TMEM132B: variants seen among roughly 807,000 people sequenced by gnomAD.
The protein encoded by TMEM132B is transmembrane protein 132B.
A neutral mutation model predicts 90.8 loss-of-function variants in TMEM132B; 18 were observed. That is an observed-to-expected ratio of 0.20 (90% CI 0.14 to 0.29). TMEM132B has a LOEUF of 0.29. Among genes scored for constraint, TMEM132B ranks in the 10% least tolerant of loss-of-function variants. TMEM132B has a pLI of 1.00. For synonymous variants in TMEM132B, 504 were observed against 523.3 expected, an observed-to-expected ratio of 0.96 and a Z score of 0.50; for missense variants, 1,096 against 1,326.8, an observed-to-expected ratio of 0.83 and a Z score of 2.70.
chr12:125,570,598 T>A (rs761166701), intron 4 of TMEM132B, among the ~76,000 whole-genome samples: 4 of 152,232 alleles, frequency 2.6e-5, no homozygotes, highest in Non-Finnish European at 5.9e-5. Flanking sequence ...GAGCTGAATT[T>A]TGAAATCACT....
intron 1 of TMEM132B, among the ~76,000 whole-genome samples, chr12:125,333,460 A>AT (rs1187228005): frequency 2.0e-5 from 3 of 152,238 alleles, no homozygotes; most frequent in Non-Finnish European, 4.4e-5. Context: ...ACATTCATGA[A>AT]GAATAAATGT....
chr12:125,554,427 TAA>T lies in TMEM132B; in HGVS notation c.1294-29398_1294-29397del, dbSNP rs71447048. 8.7e-3 allele frequency among the ~76,000 whole-genome samples: 601 copies of T among 69,446 alleles called. 6 individuals carry two copies. Among genetic ancestry groups the T allele is most frequent in the African/African-American group, 0.023 (457 of 19,930 alleles). The allele number at this position is 69,446 out of a possible 152,430, so 45.6% of individuals were successfully genotyped here. On this transcript the variant is annotated intron_variant, in intron 4 of 8. Transcript: ENST00000682704. ...GCGACAAAGTGAGACTCCATTTCAT[TAA>T]AAAAAAAAAAAAAAAAAAAAAAAAA... is the stretch of plus-strand genomic sequence containing the variant.
intron 1 of TMEM132B, chr12:125,326,779 T>C (rs917832756): frequency 1.3e-4 from 154 of 1,220,576 alleles, no homozygotes; most frequent in Non-Finnish European, 1.7e-4. Context: ...TGCAGCAAAC[T>C]TCTTGAAAGA....
chr12:125,358,073 CCTT>C (rs1877841055), intron 2 of TMEM132B, among the ~76,000 whole-genome samples: 2 of 152,086 alleles, frequency 1.3e-5, no homozygotes, highest in Non-Finnish European at 2.9e-5. Flanking sequence ...CTTTGGTTTG[CCTT>C]CTAATTTCCT....
chr12:125,234,569 C>T (rs963503952), intron 1 of TMEM132B, among the ~76,000 whole-genome samples: 1 of 152,158 alleles, frequency 6.6e-6, no homozygotes, highest in South Asian at 2.1e-4. Context: ...GTACCAACCC[C>T]CCTCGGTCCC....
At chr12:125,483,648 A>G (rs1411063161) in intron 3 of TMEM132B, among the ~76,000 whole-genome samples, 1 of 152,186 alleles carries the variant, frequency 6.6e-6, no homozygotes, top group Non-Finnish European at 1.5e-5. Context: ...AAGAGAATTT[A>G]TTAGGAGGAT....
At chr12:125,372,841 C>T (rs1878338172) in intron 2 of TMEM132B, among the ~76,000 whole-genome samples, 1 of 152,180 alleles carries the variant, frequency 6.6e-6, no homozygotes, top group Non-Finnish European at 1.5e-5. Context: ...TCTGGCCACA[C>T]ACACCGTCTT....
rs1242201795 is a variant in TMEM132B, at chr12:125,415,094, C to CT, written c.960-436dup. ...CTCCCAGAGTGCCCAGTGCAATGGCCTCCTCTTCCATCCCCTGGGCTGTGT... is the reference window on the plus strand; with the variant it reads ...CTCCCAGAGTGCCCAGTGCAATGGCCTTCCTCTTCCATCCCCTGGGCTGTGT... On this transcript the variant is annotated intron_variant, in intron 2 of 8. Coordinates refer to ENST00000682704, the MANE Select transcript of TMEM132B (RefSeq NM_001366854.1). This position sits in a 1 kb window ranked among gnomAD's most constrained non-coding sequence, Gnocchi z 5.3. 1.3e-5 allele frequency among the ~76,000 whole-genome samples: 2 copies of CT among 152,198 alleles called. No homozygotes were observed. The highest frequency in any genetic ancestry group is 4.8e-5 in the African/African-American group (2 of 41,438).
In TMEM132B at chr12:125,415,813, G is replaced by A; in HGVS notation, c.1106+136G>A. 8.3e-7 allele frequency: 1 copy of A among 1,211,558 alleles called. No homozygotes were observed. The highest frequency in any genetic ancestry group is 1.1e-6 in the Non-Finnish European group (1 of 916,990). The allele number at this position is 1,211,558 out of a possible 1,614,324, so 75.1% of individuals were successfully genotyped here. On this transcript the variant is annotated intron_variant, in intron 3 of 8. Transcript: ENST00000682704. This position sits in a 1 kb window ranked among gnomAD's most constrained non-coding sequence, Gnocchi z 5.3. The stretch of plus-strand genomic sequence containing the variant: ...TGAGAAATGATTTTTGAGGTCGGCA[G>A]TCTCAAAAATCACCAGAGTTCACAT...
chr12:125,402,566 C>G (rs1879350440), intron 2 of TMEM132B, among the ~76,000 whole-genome samples: 1 of 152,230 alleles, frequency 6.6e-6, no homozygotes, highest in African/African-American at 2.4e-5. Flanking sequence ...TCTACTATTA[C>G]AAGATATGCA....
intron 3 of TMEM132B, among the ~76,000 whole-genome samples, chr12:125,491,722 G>C (rs1882357476): frequency 6.6e-6 from 1 of 152,196 alleles, no homozygotes; most frequent in South Asian, 2.1e-4. Flanking sequence ...CATTAGTCAA[G>C]TATGGGCCAA....
chr12:125,471,797 G>A (rs892763161), intron 3 of TMEM132B, among the ~76,000 whole-genome samples: 1 of 152,162 alleles, frequency 6.6e-6, no homozygotes, highest in East Asian at 1.9e-4. Flanking sequence ...AAAATGTCCT[G>A]CTGAAGCTGG....
intron 1 of TMEM132B, among the ~76,000 whole-genome samples, chr12:125,230,790 C>A (rs1409416661): frequency 6.6e-6 from 1 of 152,030 alleles, no homozygotes; most frequent in African/African-American, 2.4e-5. Flanking sequence ...AGGCGTGAGC[C>A]ACACATCTGT....
chr12:125,488,227 A>G (rs754436856), intron 3 of TMEM132B, among the ~76,000 whole-genome samples: 9 of 152,312 alleles, frequency 5.9e-5, no homozygotes, highest in Admixed American at 2.0e-4. Flanking sequence ...TATTATTATC[A>G]TTGTTCTGAC....
At chr12:125,368,941 A>G (rs1878213378) in intron 2 of TMEM132B, among the ~76,000 whole-genome samples, 1 of 152,182 alleles carries the variant, frequency 6.6e-6, no homozygotes, top group Non-Finnish European at 1.5e-5. Context: ...TTACATATGT[A>G]TACATGTGCC....
chr12:125,513,377 TGC>T (rs1883031341), intron 3 of TMEM132B, among the ~76,000 whole-genome samples: 1 of 152,118 alleles, frequency 6.6e-6, no homozygotes, highest in Non-Finnish European at 1.5e-5. Flanking sequence ...AGCGAGAGCG[TGC>T]GTGTGCGAGA....
intron 2 of TMEM132B, among the ~76,000 whole-genome samples, chr12:125,413,269 A>T (rs1231660750): frequency 3.3e-5 from 5 of 151,806 alleles, no homozygotes; most frequent in African/African-American, 1.2e-4. Context: ...CTATTTTTTT[A>T]AAGTTTCAGT....
chr12:125,510,732 T>C (rs944013549), intron 3 of TMEM132B, among the ~76,000 whole-genome samples: 5 of 152,226 alleles, frequency 3.3e-5, no homozygotes, highest in Non-Finnish European at 7.3e-5. Context: ...ATTATTTCTC[T>C]CCCTTCTCTG....
Position 125,445,336 on chromosome 12 carries a change from A to T in TMEM132B, c.1106+29659A>T, listed in dbSNP as rs1880977645. On this transcript the variant is annotated intron_variant, in intron 3 of 8. Coordinates refer to ENST00000682704, the MANE Select transcript of TMEM132B (RefSeq NM_001366854.1). The surrounding 1 kb of genome is among the most constrained non-coding windows in gnomAD (Gnocchi z 4.3). Reference sequence around the variant, plus strand: ...AACCCCTTGCTGCCCCAGTCTCTTCATTTGTAAATTGGCTATACTAATGTA... The same window carrying T: ...AACCCCTTGCTGCCCCAGTCTCTTCTTTTGTAAATTGGCTATACTAATGTA... Among the ~76,000 whole-genome samples, 2 of 152,154 alleles carry T rather than the reference A, an allele frequency of 1.3e-5. No individual in the cohort carries two copies. The highest frequency in any genetic ancestry group is 2.9e-5 in the Non-Finnish European group (2 of 68,028).
Sources: allele counts gnomAD v4.1 joint callset (sites outside exome capture counted in the v4.1 genomes callset), GRCh38; gene constraint gnomAD v4.1.1; non-coding constraint Gnocchi (gnomAD v3.1); transcripts MANE v1.5; gene names NCBI Gene and HGNC (gene_info 2026-07-23, HGNC 2026-07-21).